Variants in SLC9A9 observed in about 807,000 individuals in gnomAD.
SLC9A9 encodes the protein sodium/hydrogen exchanger 9.
In SLC9A9, 62 loss-of-function variants were observed where a neutral mutation model predicts 77.8. The ratio of observed to expected loss-of-function variants is 0.80; its 90% CI spans 0.65 to 0.98. SLC9A9 has a LOEUF of 0.98. Ranked by LOEUF, SLC9A9 falls within the 50% of genes least tolerant of loss-of-function variation. The probability of loss-of-function intolerance (pLI) is 0.00; values close to 1 mark genes in which losing one functional copy is unlikely to be tolerated. For synonymous variants in SLC9A9, 320 were observed against 283.5 expected (o/e 1.13, Z -1.29); for missense variants, 775 against 774.9 (o/e 1.00, Z 0.00).
Position 143,747,988 on chromosome 3 carries a change from G to A in SLC9A9, c.533+47013C>T, listed in dbSNP as rs544511852. Reference sequence around the variant, plus strand: ...CCCTGATGGTCCCAAGACTGCCCCTGTGTCTCCACGAACCCCTTTCCTAAG... The same window carrying A: ...CCCTGATGGTCCCAAGACTGCCCCTATGTCTCCACGAACCCCTTTCCTAAG... On this transcript the variant is annotated intron_variant, in intron 4 of 15. Transcript: ENST00000316549. 2.6e-5 allele frequency among the ~76,000 whole-genome samples: 4 copies of A among 152,252 alleles called. No individual in the cohort carries two copies. The East Asian group carries it at 7.7e-4, about 29-fold the overall frequency.
chr3:143,818,315 T>C (rs1375676654), intron 2 of SLC9A9, among the ~76,000 whole-genome samples: 4 of 152,112 alleles, frequency 2.6e-5, no homozygotes, highest in Non-Finnish European at 1.5e-5. Context: ...GTTATATATA[T>C]ATATTTTTTG....
intron 5 of SLC9A9, among the ~76,000 whole-genome samples, chr3:143,677,142 T>C (rs1932910412): frequency 6.6e-6 from 1 of 152,106 alleles, no homozygotes; most frequent in African/African-American, 2.4e-5. Context: ...AAAGTAGTAG[T>C]CCCACACAAT....
intron 12 of SLC9A9, among the ~76,000 whole-genome samples, chr3:143,425,407 T>A (rs1302324378): frequency 6.6e-6 from 1 of 152,006 alleles, no homozygotes; most frequent in Non-Finnish European, 1.5e-5. Flanking sequence ...ATATGTATGG[T>A]TTATTATAAA....
chr3:143,536,000 G>A (rs540040695), intron 9 of SLC9A9, among the ~76,000 whole-genome samples: 23 of 152,112 alleles, frequency 1.5e-4, no homozygotes, highest in African/African-American at 2.2e-4. Flanking sequence ...TCATTGGGGC[G>A]CCAAATAATT....
At chr3:143,367,223 T>C (rs1303107536) in intron 13 of SLC9A9, among the ~76,000 whole-genome samples, 2 of 152,176 alleles carry the variant, frequency 1.3e-5, no homozygotes, top group Non-Finnish European at 2.9e-5. Context: ...TTTGGAAAAA[T>C]ATTAACACAT....
chr3:143,700,501 C>T (rs1933765473), intron 4 of SLC9A9, among the ~76,000 whole-genome samples: 1 of 151,992 alleles, frequency 6.6e-6, no homozygotes, highest in Admixed American at 6.5e-5. Flanking sequence ...AGAGCTTGGG[C>T]CTTAAGGGAA....
At chr3:143,814,423 C>G (rs1348181572) in intron 2 of SLC9A9, among the ~76,000 whole-genome samples, 5 of 152,060 alleles carry the variant, frequency 3.3e-5, no homozygotes, top group African/African-American at 7.2e-5. Flanking sequence ...GAAGGGGATG[C>G]AGTGGCCCTA....
intron 14 of SLC9A9, among the ~76,000 whole-genome samples, chr3:143,337,668 T>C (rs2031971353): frequency 1.3e-5 from 2 of 152,300 alleles, no homozygotes; most frequent in South Asian, 2.1e-4. Flanking sequence ...TGAAGTGAAC[T>C]CTAAACAAGT....
intron 6 of SLC9A9, among the ~76,000 whole-genome samples, chr3:143,582,385 G>C (rs1005108991): frequency 2.6e-5 from 4 of 152,142 alleles, no homozygotes; most frequent in Non-Finnish European, 5.9e-5. Context: ...CGTTCCTTGA[G>C]TACTTATATG....
At chr3:143,742,128 T>C (rs1226920075) in intron 4 of SLC9A9, among the ~76,000 whole-genome samples, 1 of 151,922 alleles carries the variant, frequency 6.6e-6, no homozygotes, top group Middle Eastern at 3.2e-3. Flanking sequence ...ACTTGATGGA[T>C]CAGCTGGCAC....
intron 6 of SLC9A9, among the ~76,000 whole-genome samples, chr3:143,596,869 C>T (rs1401372333): frequency 1.3e-5 from 2 of 151,944 alleles, no homozygotes; most frequent in Admixed American, 6.6e-5. Flanking sequence ...ACTTTGTTGC[C>T]CAGGCTGGTC....
chr3:143,306,811 C>A (rs1167971417), intron 14 of SLC9A9, among the ~76,000 whole-genome samples: 1 of 152,186 alleles, frequency 6.6e-6, no homozygotes, highest in Non-Finnish European at 1.5e-5. Flanking sequence ...TAGAATATGG[C>A]AAACTCACTC....
intron 9 of SLC9A9, among the ~76,000 whole-genome samples, chr3:143,541,941 T>A (rs935061965): frequency 2.0e-5 from 3 of 152,236 alleles, no homozygotes; most frequent in African/African-American, 7.2e-5. Flanking sequence ...GTCTTACTTA[T>A]CTTTATTTCT....
chr3:143,402,874 A>G (rs910087483), intron 12 of SLC9A9, among the ~76,000 whole-genome samples: 14 of 146,370 alleles, frequency 9.6e-5, no homozygotes, highest in Non-Finnish European at 1.8e-4. Context: ...CCATTTTGCT[A>G]TTTGTATCCT....
chr3:143,272,070 T>C (rs1937913907), intron 14 of SLC9A9, among the ~76,000 whole-genome samples: 1 of 152,112 alleles, frequency 6.6e-6, no homozygotes, highest in African/African-American at 2.4e-5. Flanking sequence ...GCTAGAAACC[T>C]AAGAAAGGGG....
chr3:143,760,192 T>C (rs559560837), intron 4 of SLC9A9, among the ~76,000 whole-genome samples: 14 of 152,212 alleles, frequency 9.2e-5, no homozygotes, highest in African/African-American at 3.4e-4. Context: ...CAATACCTAA[T>C]TTATTGAGAG....
chr3:143,833,344 A>G (rs934743484), intron 1 of SLC9A9, among the ~76,000 whole-genome samples: 8 of 152,218 alleles, frequency 5.3e-5, no homozygotes, highest in African/African-American at 1.7e-4. Flanking sequence ...GCCCAGTCTT[A>G]CAGGAGCTCG....
chr3:143,590,905 T>C (rs2037634830), intron 6 of SLC9A9, among the ~76,000 whole-genome samples: 1 of 152,172 alleles, frequency 6.6e-6, no homozygotes, highest in Non-Finnish European at 1.5e-5. Flanking sequence ...CTTGCTTAGA[T>C]TGGAGCCTGC....
At chr3:143,624,567 C>G (rs1478007627) in intron 6 of SLC9A9, among the ~76,000 whole-genome samples, 1 of 152,062 alleles carries the variant, frequency 6.6e-6, no homozygotes, top group Non-Finnish European at 1.5e-5. Context: ...ATTCAACAGC[C>G]CCTCATGCTA....
Sources: gnomAD v4.1 joint callset for allele counts (sites outside exome capture counted in the v4.1 genomes callset) on GRCh38, gnomAD v4.1.1 for gene constraint, MANE v1.5 for transcripts, NCBI Gene and HGNC (gene_info 2026-07-23, HGNC 2026-07-21) for gene names.